PPP4R3A: variants seen among roughly 807,000 people sequenced by gnomAD.
PPP4R3A encodes the protein serine/threonine-protein phosphatase 4 regulatory subunit 3A.
Under a neutral mutation model 91.7 loss-of-function variants are expected in PPP4R3A, and 15 were observed. The ratio of observed to expected loss-of-function variants is 0.16; its 90% CI spans 0.11 to 0.25. The LOEUF is 0.25. Ranked by LOEUF, PPP4R3A falls within the 10% of genes least tolerant of loss-of-function variation. The pLI is 1.00. For missense variants in PPP4R3A, 623 were observed against 998.4 expected (o/e 0.62, Z 5.07); for synonymous variants, 377 against 348.7 (o/e 1.08, Z -0.91).
chr14:91,498,921 A>G (rs1487154034), intron 1 of PPP4R3A, among the ~76,000 whole-genome samples: 1 of 150,290 alleles, frequency 6.7e-6, no homozygotes, highest in Non-Finnish European at 1.5e-5. Flanking sequence ...CCAACTCAAA[A>G]AAAAAAAAAA....
chr14:91,501,316 C>T (rs890429126), intron 1 of PPP4R3A, among the ~76,000 whole-genome samples: 22 of 152,174 alleles, frequency 1.4e-4, no homozygotes, highest in African/African-American at 4.3e-4. Context: ...AAGAGCTACA[C>T]CCTTGTCACT....
At chr14:91,490,097 A>G (rs1298732480) in intron 2 of PPP4R3A, among the ~76,000 whole-genome samples, 1 of 152,232 alleles carries the variant, frequency 6.6e-6, no homozygotes, top group Non-Finnish European at 1.5e-5. Flanking sequence ...TTCATTGGCT[A>G]TATAGAGCAC....
intron 1 of PPP4R3A, among the ~76,000 whole-genome samples, chr14:91,508,626 C>T (rs532646385): frequency 8.5e-5 from 13 of 152,156 alleles, no homozygotes; most frequent in Admixed American, 2.6e-4. Flanking sequence ...AGAGAATAAG[C>T]CTTTTAAAAT....
At position 91,496,914 on chromosome 14, in the gene PPP4R3A, C is replaced by A. The variant is rs1249827238; in HGVS notation, c.143-6112G>T. On this transcript the variant is annotated intron_variant, in intron 1 of 14. Coordinates refer to ENST00000554943, the MANE Select transcript of PPP4R3A (RefSeq NM_001366432.2). The stretch of plus-strand genomic sequence containing the variant: ...TTGAGCCAAGTTATAAACACTAAAC[C>A]AATCAACTATAACAGATCCAGTTCA... Among the ~76,000 whole-genome samples, 3 of 151,018 alleles carry A rather than the reference C, an allele frequency of 2.0e-5. No homozygotes were observed. The Admixed American group carries it at 2.0e-4, about 10-fold the overall frequency.
At chr14:91,483,329 C>T (rs1026268265) in intron 3 of PPP4R3A, among the ~76,000 whole-genome samples, 6 of 152,164 alleles carry the variant, frequency 3.9e-5, no homozygotes, top group South Asian at 2.1e-4. Context: ...GAAAAGATGA[C>T]GACCTGGAAT....
At chr14:91,477,798 ACCACTACAC>A (rs1889299854) in intron 4 of PPP4R3A, among the ~76,000 whole-genome samples, 1 of 152,108 alleles carries the variant, frequency 6.6e-6, no homozygotes. Flanking sequence ...ACAGGCACAC[ACCACTACAC>A]CCAGCTAATT....
chr14:91,473,051 C>T lies in PPP4R3A; in HGVS notation c.1483G>A (p.Glu495Lys), dbSNP rs1199795807. ...ATCTTACCTTTACTAGGTTTGTCTT[C>T]TGTTGTATTTGCTAGTAAAGGAGCA... ...LTAPLLANTT[E>K]DKPSKDDFQT... Residue 495 changes from glutamate (E) to lysine (K), a missense_variant, in exon 9 of 15, where the codon GAA becomes AAA. Glu to Lys is a moderately conservative substitution (Grantham distance 56). This residue lies in a region of PPP4R3A where 87 missense variants were observed against 233.9 expected (regional missense o/e 0.37). Coordinates refer to ENST00000554943, the MANE Select transcript of PPP4R3A (RefSeq NM_001366432.2). 6.2e-7 allele frequency: 1 copy of T among 1,614,018 alleles called. No individual in the cohort carries two copies. The highest frequency in any genetic ancestry group is 1.7e-5 in the Admixed American group (1 of 60,000).
intron 7 of PPP4R3A, chr14:91,475,534 A>G: frequency 1.0e-5 from 3 of 287,428 alleles, no homozygotes; most frequent in Non-Finnish European, 2.0e-5. Flanking sequence ...AATGATTTAA[A>G]AAACACAATA....
In PPP4R3A at chr14:91,508,226, T is replaced by G. The variant is rs1327325545; in HGVS notation, c.142+1280A>C. Among the ~76,000 whole-genome samples the G allele has an allele frequency of 2.0e-5, 3 of 152,204 alleles. No individual in the cohort carries two copies. The East Asian group carries it at 5.8e-4, about 29-fold the overall frequency. Reference sequence around the variant, plus strand: ...TGCCTCCAAAAGAAAATAATTTCTCTCCAGATTTAAGTTACTTTGGGTAAC... The same window carrying G: ...TGCCTCCAAAAGAAAATAATTTCTCGCCAGATTTAAGTTACTTTGGGTAAC... On this transcript the variant is annotated intron_variant, in intron 1 of 14. Transcript: ENST00000554943.
chr14:91,486,128 T>TTCTC (rs1168576500), intron 2 of PPP4R3A, among the ~76,000 whole-genome samples: 2 of 152,200 alleles, frequency 1.3e-5, no homozygotes, highest in African/African-American at 4.8e-5. Flanking sequence ...ATAAAACTCC[T>TTCTC]TCTCTCTTCC....
At chr14:91,473,405 A>C (rs1185765199) in intron 7 of PPP4R3A, 35 bp from the exon 8 acceptor site, 1 of 1,584,460 alleles carries the variant, frequency 6.3e-7, no homozygotes. Flanking sequence ...AGGATCACTT[A>C]TTATGAGAGA....
At chr14:91,461,667 A>T in intron 13 of PPP4R3A, 60 bp from the exon 14 acceptor site, 3 of 1,508,436 alleles carry the variant, frequency 2.0e-6, no homozygotes, top group Non-Finnish European at 2.7e-6. Context: ...ATTTCCCCAA[A>T]TGAGGTAACA....
intron 3 of PPP4R3A, among the ~76,000 whole-genome samples, chr14:91,485,229 T>A (rs1158703386): frequency 3.9e-5 from 6 of 152,214 alleles, no homozygotes; most frequent in African/African-American, 1.4e-4. Flanking sequence ...TGGATCTAGA[T>A]TTATTATCGA....
intron 3 of PPP4R3A, 117 bp downstream of exon 3, chr14:91,485,515 C>A: frequency 1.4e-6 from 1 of 699,952 alleles, no homozygotes; most frequent in Non-Finnish European, 2.4e-6. Flanking sequence ...TCAAAGACAG[C>A]AGTGAATTTA....
At chr14:91,507,315 C>A (rs532114134) in intron 1 of PPP4R3A, among the ~76,000 whole-genome samples, 8 of 142,726 alleles carry the variant, frequency 5.6e-5, no homozygotes, top group African/African-American at 2.1e-4. Flanking sequence ...GAGCAAAACC[C>A]AATCTCAAAA....
At chr14:91,472,065 CAA>C (rs549919322) in intron 9 of PPP4R3A, among the ~76,000 whole-genome samples, 5 of 70,278 alleles carry the variant, frequency 7.1e-5, no homozygotes, top group Non-Finnish European at 1.3e-4. Context: ...ATTCTGTCTC[CAA>C]AAAAAAAAAA....
At chr14:91,506,521 C>T (rs1308781383) in intron 1 of PPP4R3A, among the ~76,000 whole-genome samples, 1 of 152,206 alleles carries the variant, frequency 6.6e-6, no homozygotes, top group East Asian at 1.9e-4. Flanking sequence ...CAGTATTTCA[C>T]AAGTATCCTG....
chr14:91,499,158 G>A (rs983741802), intron 1 of PPP4R3A, among the ~76,000 whole-genome samples: 9 of 151,858 alleles, frequency 5.9e-5, no homozygotes, highest in Non-Finnish European at 1.3e-4. Flanking sequence ...CCAGCCGCTT[G>A]GGAGGCTGGG....
intron 1 of PPP4R3A, among the ~76,000 whole-genome samples, chr14:91,504,743 G>T (rs1407159041): frequency 6.6e-6 from 1 of 152,156 alleles, no homozygotes; most frequent in Non-Finnish European, 1.5e-5. Flanking sequence ...CTAAAGCAAG[G>T]TAGGTTGAGT....
Sources: allele counts gnomAD v4.1 joint callset (sites outside exome capture counted in the v4.1 genomes callset), GRCh38; gene constraint gnomAD v4.1.1; regional missense constraint gnomAD v4.1.1; transcripts MANE v1.5; gene names NCBI Gene and HGNC (gene_info 2026-07-23, HGNC 2026-07-21).